Variants in CFAP54 observed in about 807,000 individuals in gnomAD.
CFAP54 encodes the protein cilia- and flagella-associated protein 54.
A neutral mutation model predicts 370.4 loss-of-function variants in CFAP54; 290 were observed. The ratio of observed to expected loss-of-function variants is 0.78; its 90% confidence interval spans 0.71 to 0.86. CFAP54 has a LOEUF of 0.86. Among genes scored for constraint, CFAP54 ranks in the 40% least tolerant of loss-of-function variants. CFAP54 has a pLI of 0.00. For missense variants in CFAP54, 3,399 were observed against 3,528.7 expected, an observed-to-expected ratio of 0.96 and a Z score of 0.93; for synonymous variants, 1,206 against 1,236.5, an observed-to-expected ratio of 0.98 and a Z score of 0.52.
rs532431739 is a variant in CFAP54, at chr12:96,584,749, G to C, written c.3075+3644G>C. Among the ~76,000 whole-genome samples the C allele has an allele frequency of 2.0e-5, 3 of 152,136 alleles. No homozygotes were observed. The East Asian group carries it at 5.8e-4, about 29-fold the overall frequency. ...GCAAGTCATGGAACCAGCTCAGCTT[G>C]GGGTAATGCAGCTAGGCCCTGGGAA... On this transcript the variant is annotated intron_variant, in intron 22 of 67. Transcript: ENST00000524981.
At chr12:96,630,291 A>G (rs1214747984) in intron 31 of CFAP54, 87 bp downstream of exon 31, 2 of 673,932 alleles carry the variant, frequency 3.0e-6, no homozygotes, top group East Asian at 2.8e-5. Flanking sequence ...TAAACTCATT[A>G]TAATATGAAA....
chr12:96,559,493 G>A (rs898859512), intron 17 of CFAP54, among the ~76,000 whole-genome samples: 2 of 152,076 alleles, frequency 1.3e-5, no homozygotes, highest in Admixed American at 1.3e-4. Flanking sequence ...TGAAAGAATA[G>A]TGTAGTGACT....
intron 66 of CFAP54, among the ~76,000 whole-genome samples, chr12:96,850,935 C>G (rs1256653753): frequency 1.3e-5 from 2 of 152,148 alleles, no homozygotes; most frequent in Non-Finnish European, 2.9e-5. Context: ...CCTTCCTTGA[C>G]AGGTGGTGAT....
At chr12:96,594,197 G>A in intron 24 of CFAP54, 94 bp from the exon 25 acceptor site, 1 of 844,374 alleles carries the variant, frequency 1.2e-6, no homozygotes, top group Non-Finnish European at 1.7e-6. Context: ...GTTGTTTTTA[G>A]CCAGAAGGAT....
chr12:96,867,129 C>G (rs539388575), intron 67 of CFAP54, among the ~76,000 whole-genome samples: 1 of 152,104 alleles, frequency 6.6e-6, no homozygotes, highest in South Asian at 2.1e-4. Flanking sequence ...TCATTTTGTC[C>G]TTTGGAGGCT....
chr12:96,674,263 A>T (rs751068267), intron 39 of CFAP54, among the ~76,000 whole-genome samples: 1 of 149,806 alleles, frequency 6.7e-6, no homozygotes, highest in Non-Finnish European at 1.5e-5. Flanking sequence ...TCCGTGGTGG[A>T]CCCCTTTCTC....
chr12:96,775,359 G>T (rs1442884707), intron 60 of CFAP54, among the ~76,000 whole-genome samples: 2 of 152,066 alleles, frequency 1.3e-5, no homozygotes, highest in Admixed American at 1.3e-4. Context: ...AACCTAGGAG[G>T]CAGAGGTTGC....
intron 38 of CFAP54, among the ~76,000 whole-genome samples, chr12:96,662,931 ATATAT>A (rs1957011084): frequency 6.6e-6 from 1 of 152,016 alleles, no homozygotes; most frequent in East Asian, 1.9e-4. Flanking sequence ...CAATTCTTTA[ATATAT>A]TATATAATGT....
intron 50 of CFAP54, among the ~76,000 whole-genome samples, chr12:96,733,520 T>C (rs1421663920): frequency 6.8e-6 from 1 of 147,014 alleles, no homozygotes; most frequent in Non-Finnish European, 1.5e-5. Flanking sequence ...TAGGGCTGCC[T>C]CTTTCTTTCA....
chr12:96,673,129 CAG>C (rs1695867919), intron 39 of CFAP54, among the ~76,000 whole-genome samples: 1 of 152,148 alleles, frequency 6.6e-6, no homozygotes, highest in Non-Finnish European at 1.5e-5. Flanking sequence ...ACTGTAATGA[CAG>C]TAATAATTTA....
chr12:96,672,924 A>G (rs976259238), intron 39 of CFAP54, among the ~76,000 whole-genome samples: 1 of 152,210 alleles, frequency 6.6e-6, no homozygotes, highest in Non-Finnish European at 1.5e-5. Context: ...GGTGCAATAT[A>G]TCAGAAAAGC....
Position 96,527,255 on chromosome 12 carries a change from C to A in CFAP54, c.1168C>A (p.Pro390Thr). The change falls in exon 9 of 68, where the codon CCA becomes ACA. Residue 390 changes from proline to threonine, a missense_variant. Coordinates refer to ENST00000524981, the MANE Select transcript of CFAP54 (RefSeq NM_001306084.2). ...TTTTTCTCAATTTCAGTTATCATGG[C>A]CACGAACTGTCACAGAGCGGCTACT... is the stretch of plus-strand genomic sequence containing the variant. ...NLREVQTLSW[P>T]RTVTERLLDE... 1 of 1,510,378 alleles carries A rather than the reference C, an allele frequency of 6.6e-7. No homozygotes were observed. The highest frequency in any genetic ancestry group is 8.8e-7 in the Non-Finnish European group (1 of 1,135,040). The allele number at this position is 1,510,378 out of a possible 1,614,324, so 93.6% of individuals were successfully genotyped here. A position where few individuals can be genotyped will look rare whatever the true frequency, so the allele number is the denominator to read the frequency against.
chr12:96,842,180 T>A (rs1464448880), intron 66 of CFAP54, among the ~76,000 whole-genome samples: 1 of 152,218 alleles, frequency 6.6e-6, no homozygotes, highest in African/African-American at 2.4e-5. Flanking sequence ...TGGCAGATAA[T>A]ATATATATTC....
intron 4 of CFAP54, 100 bp from the exon 5 acceptor site, chr12:96,512,886 C>A: frequency 1.6e-6 from 1 of 608,604 alleles, no homozygotes; most frequent in Non-Finnish European, 2.7e-6. Context: ...CTCATAAGAT[C>A]ACTTGTTTTG....
intron 13 of CFAP54, among the ~76,000 whole-genome samples, chr12:96,539,064 G>GTTTTTTT (rs1314197505): frequency 0.11 from 12,289 of 109,880 alleles, 2,013 homozygotes; most frequent in Non-Finnish European, 0.16. Flanking sequence ...GCCTTTTCAG[G>GTTTTTTT]TTTTTTTTTT....
rs2136421738 is a variant in CFAP54, at chr12:96,576,667, G to A, written c.2702G>A (p.Arg901Lys). Residue 901 changes from arginine (R) to lysine (K), a missense_variant, in exon 20 of 68, where the codon AGA (arginine) becomes AAA (lysine). By Grantham distance (26) the Arg-to-Lys change is conservative (BLOSUM62 2). This residue lies in a region of CFAP54 where 2,796 missense variants were observed against 2,869.7 expected (regional missense o/e 0.97). Coordinates refer to ENST00000524981, the MANE Select transcript of CFAP54 (RefSeq NM_001306084.2). The part of the protein sequence containing the change: ...SYQKYLESSK[R>K]KKSRVPPPPI... Reference sequence around the variant, plus strand: ...CAGAAATATTTGGAAAGTTCAAAAAGAAAGAAAAGCAGAGTCCCCCCTCCA... The same window carrying A: ...CAGAAATATTTGGAAAGTTCAAAAAAAAAGAAAAGCAGAGTCCCCCCTCCA... 6.5e-7 allele frequency: 1 copy of A among 1,535,602 alleles called. No homozygotes were observed. Among genetic ancestry groups the A allele is most frequent in the Non-Finnish European group, 8.7e-7 (1 of 1,146,570 alleles).
At chr12:96,674,195 T>C (rs2136538768) in intron 39 of CFAP54, among the ~76,000 whole-genome samples, 1 of 152,326 alleles carries the variant, frequency 6.6e-6, no homozygotes, top group African/African-American at 2.4e-5. Context: ...GGCATTTGGA[T>C]TGATGTGGCC....
At chr12:96,606,400 C>T (rs1046750862) in intron 26 of CFAP54, among the ~76,000 whole-genome samples, 7 of 152,168 alleles carry the variant, frequency 4.6e-5, no homozygotes, top group Non-Finnish European at 8.8e-5. Context: ...TAGCCATAGT[C>T]GTGCTTAGCA....
At chr12:96,570,098 C>G (rs1435540706) in intron 19 of CFAP54, among the ~76,000 whole-genome samples, 1 of 151,884 alleles carries the variant, frequency 6.6e-6, no homozygotes, top group African/African-American at 2.4e-5. Context: ...ACCTCAGCCT[C>G]CTGAGTAGCT....
Sources: gnomAD v4.1 joint callset for allele counts (sites outside exome capture counted in the v4.1 genomes callset) on GRCh38, gnomAD v4.1.1 for gene constraint, gnomAD v4.1.1 regional missense constraint, MANE v1.5 for transcripts, NCBI Gene and HGNC (gene_info 2026-07-23, HGNC 2026-07-21) for gene names.